TUB: variants seen among roughly 807,000 people sequenced by gnomAD.
TUB encodes tubby protein homolog.
Under a neutral mutation model 59.7 loss-of-function variants are expected in TUB, and 33 were observed. The ratio of observed to expected loss-of-function variants is 0.55; its 90% CI spans 0.42 to 0.74. TUB has a LOEUF of 0.74. Among genes scored for constraint, TUB ranks in the 30% least tolerant of loss-of-function variants. The pLI, the probability that TUB is intolerant of heterozygous loss-of-function variation, is 0.00. For synonymous variants in TUB, 293 were observed against 256.4 expected, an observed-to-expected ratio of 1.14 and a Z score of -1.36; for missense variants, 659 against 672.0, an observed-to-expected ratio of 0.98 and a Z score of 0.21.
At chr11:8,038,370 C>A (rs556800647), upstream of TUB, among the ~76,000 whole-genome samples, 3 of 152,230 alleles carry the variant, frequency 2.0e-5, no homozygotes, top group Admixed American at 2.0e-4. Flanking sequence ...CACAGACAAG[C>A]AAATCCTAGA....
Position 8,100,958 on chromosome 11 carries a change from G to C in TUB, c.1348G>C (p.Ala450Pro). ...CAACTTCCATGGGCGCGTCACACAG[G>C]CCTCCGTGAAGAACTTCCAGATCAT... ...VLNFHGRVTQASVKNFQIIHG... is the reference protein window; with the variant it reads ...VLNFHGRVTQPSVKNFQIIHG... Residue 450 changes from alanine (A) to proline (P), a missense_variant, in exon 11 of 12, where the codon GCC becomes CCC. Physicochemically the swap from Ala to Pro is conservative, Grantham distance 27 (BLOSUM62 -1). Coordinates refer to ENST00000299506, the MANE Select transcript of TUB (RefSeq NM_177972.3). The C allele has an allele frequency of 6.2e-7, 1 of 1,614,136 alleles. No individual in the cohort carries two copies. Among genetic ancestry groups the C allele is most frequent in the South Asian group, 1.1e-5 (1 of 91,078 alleles).
upstream of TUB, among the ~76,000 whole-genome samples, chr11:8,080,765 G>A (rs971224646): frequency 6.6e-6 from 1 of 152,220 alleles, no homozygotes; most frequent in African/African-American, 2.4e-5. Context: ...TTCCCCAGGC[G>A]GGGGTGTGGG....
chr11:8,061,055 G>A (rs1235096561), intron 2 of TUB, among the ~76,000 whole-genome samples: 1 of 152,206 alleles, frequency 6.6e-6, no homozygotes. Flanking sequence ...CCCATGGTGG[G>A]GCCTGTGTGG....
rs1944528972 is a variant in TUB at position 8,105,553 on chromosome 11, C to T, written c.*3934C>T. The T allele has an allele frequency of 6.6e-6, 1 of 152,208 alleles. No homozygotes were observed. Among genetic ancestry groups the T allele is most frequent in the African/African-American group, 2.4e-5 (1 of 41,442 alleles). 9.4% of individuals were successfully genotyped at this position (152,208 alleles called of 1,614,324 possible). On this transcript the variant is annotated 3_prime_UTR_variant, in exon 12 of 12. Transcript: ENST00000299506. ...GTTGGTCTTATAGAAAGCACTACTGCACTTAGTAGCTATGTGATTTTGAGC... is the reference window on the plus strand; with the variant it reads ...GTTGGTCTTATAGAAAGCACTACTGTACTTAGTAGCTATGTGATTTTGAGC...
chr11:8,032,423 G>A (rs1942587572), intron 1 of TUB, among the ~76,000 whole-genome samples: 4 of 152,218 alleles, frequency 2.6e-5, no homozygotes, highest in Admixed American at 2.6e-4. Context: ...TGGGCAGCAA[G>A]TTTGGATTGG....
intron 6 of TUB, 81 bp downstream of exon 6, chr11:8,096,887 A>T (rs1206669459): frequency 6.6e-7 from 1 of 1,513,516 alleles, no homozygotes; most frequent in South Asian, 1.1e-5. Context: ...GAAGAGATGG[A>T]CTCGTATGCC....
chr11:8,029,532 G>A (rs1942542377), intron 1 of TUB, among the ~76,000 whole-genome samples: 1 of 151,920 alleles, frequency 6.6e-6, no homozygotes, highest in Non-Finnish European at 1.5e-5. Flanking sequence ...GGGATGACAG[G>A]TGCCCACCAC....
chr11:8,030,835 C>CA (rs1942560799), intron 1 of TUB, among the ~76,000 whole-genome samples: 1 of 152,152 alleles, frequency 6.6e-6, no homozygotes, highest in Non-Finnish European at 1.5e-5. Flanking sequence ...CGTTCCTCTA[C>CA]AAAGATTCAA....
intron 4 of TUB, among the ~76,000 whole-genome samples, chr11:8,094,611 T>C (rs1367539149): frequency 6.6e-6 from 1 of 152,194 alleles, no homozygotes; most frequent in Non-Finnish European, 1.5e-5. Context: ...CTTCGTATAA[T>C]GTGGACTTCC....
At chr11:8,054,573 G>A (rs1175495792) in intron 2 of TUB, among the ~76,000 whole-genome samples, 2 of 152,198 alleles carry the variant, frequency 1.3e-5, no homozygotes, top group Admixed American at 6.5e-5. Flanking sequence ...TCACCTGCAT[G>A]CCATGTCATC....
intron 1 of TUB, among the ~76,000 whole-genome samples, chr11:8,088,250 G>A (rs1206684237): frequency 1.3e-5 from 2 of 152,142 alleles, no homozygotes; most frequent in Admixed American, 6.5e-5. Context: ...CCAAGGTGGT[G>A]GGCAGTCTGT....
chr11:8,083,411 T>A (rs112421642), intron 1 of TUB, among the ~76,000 whole-genome samples: 2 of 152,164 alleles, frequency 1.3e-5, no homozygotes, highest in Non-Finnish European at 2.9e-5. Context: ...TAAAGCCACT[T>A]GTAGAGAGTG....
chr11:8,101,343 T>C (rs1026754405), intron 11 of TUB, 143 bp from the exon 12 acceptor site: 1 of 1,160,566 alleles, frequency 8.6e-7, no homozygotes, highest in Non-Finnish European at 1.3e-6. Flanking sequence ...TTGGCCTTTG[T>C]TTTACTTCCC....
intron 9 of TUB, among the ~76,000 whole-genome samples, chr11:8,099,159 G>A (rs1010176365): frequency 1.3e-5 from 2 of 152,010 alleles, no homozygotes; most frequent in Admixed American, 6.5e-5. Flanking sequence ...GGAGACGGTC[G>A]CCCTGGGTTC....
Position 8,019,338 on chromosome 11 carries a change from C to G in TUB, c.36C>G (p.Tyr12Ter). 1 of 1,280,832 alleles carries G rather than the reference C, an allele frequency of 7.8e-7. No individual in the cohort carries two copies. 79.3% of individuals were successfully genotyped at this position (1,280,832 alleles called of 1,614,324 possible). A position where few individuals can be genotyped will look rare whatever the true frequency, so the allele number is the denominator to read the frequency against. ...TCAGCAGCCACCGGACCCTGTCTTACAGCCGCTGGAGCTATGACAGGTAGG... is the reference window on the plus strand; with the variant it reads ...TCAGCAGCCACCGGACCCTGTCTTAGAGCCGCTGGAGCTATGACAGGTAGG... The change falls in exon 1 of 12, where the codon TAC (tyrosine) becomes TAG (stop). Residue 12 changes from tyrosine to a stop codon, truncating the protein, a stop_gained. Coordinates refer to the TUB transcript ENST00000534099. LOFTEE classifies it high-confidence loss of function.
chr11:8,036,662 G>C (rs1589924476), upstream of TUB, among the ~76,000 whole-genome samples: 1 of 152,316 alleles, frequency 6.6e-6, no homozygotes, highest in East Asian at 1.9e-4. Flanking sequence ...GCATGAGGAG[G>C]TTTCATAATC....
At chr11:8,091,010 T>C (rs977828222) in intron 3 of TUB, among the ~76,000 whole-genome samples, 2 of 152,020 alleles carry the variant, frequency 1.3e-5, no homozygotes, top group Non-Finnish European at 2.9e-5. Flanking sequence ...AAATAGTAAT[T>C]CTAAAAAGGT....
chr11:8,081,940 T>TG (rs1233577883), intron 1 of TUB, among the ~76,000 whole-genome samples: 2 of 152,198 alleles, frequency 1.3e-5, no homozygotes, highest in African/African-American at 4.8e-5. Flanking sequence ...GTCCCTGCCT[T>TG]GGGCCAAAGA....
chr11:8,079,009 G>A (rs1200264933), upstream of TUB, among the ~76,000 whole-genome samples: 2 of 152,146 alleles, frequency 1.3e-5, no homozygotes, highest in East Asian at 3.9e-4. Context: ...TGCAGAAAGA[G>A]ACTTGGAAAG....
Sources: gnomAD v4.1 joint callset for allele counts (sites outside exome capture counted in the v4.1 genomes callset) on GRCh38, gnomAD v4.1.1 for gene constraint, MANE v1.5 for transcripts, NCBI Gene and HGNC (gene_info 2026-07-23, HGNC 2026-07-21) for gene names.